Variants in SDK1 observed in about 807,000 individuals in gnomAD.
SDK1 encodes protein sidekick-1.
In SDK1, 157 loss-of-function variants were observed where a neutral mutation model predicts 245.5. The observed-to-expected ratio is 0.64, with a 90% confidence interval of 0.56 to 0.73. The LOEUF is 0.73. Ranked by LOEUF, SDK1 falls within the 30% of genes least tolerant of loss-of-function variation. The pLI is 0.00. For synonymous variants in SDK1, 1,647 were observed against 1,278.5 expected (o/e 1.29, Z -6.15); for missense variants, 3,583 against 3,002.3 (o/e 1.19, Z -4.52).
intron 5 of SDK1, among the ~76,000 whole-genome samples, chr7:3,851,069 G>C (rs1397900370): frequency 1.3e-5 from 2 of 152,026 alleles, no homozygotes; most frequent in African/African-American, 4.8e-5. Flanking sequence ...GACCAAACCT[G>C]ATGGTGCAAC....
intron 4 of SDK1, among the ~76,000 whole-genome samples, chr7:3,710,579 T>C (rs1785019543): frequency 6.6e-6 from 1 of 152,270 alleles, no homozygotes; most frequent in Admixed American, 6.5e-5. Flanking sequence ...CTTTATGTAC[T>C]GTTTTATCTC....
chr7:3,877,581 C>G (rs943657636), intron 5 of SDK1, among the ~76,000 whole-genome samples: 1 of 152,040 alleles, frequency 6.6e-6, no homozygotes, highest in African/African-American at 2.4e-5. Flanking sequence ...TCCCTTTTAA[C>G]TTTGGTTATA....
intron 4 of SDK1, among the ~76,000 whole-genome samples, chr7:3,663,875 C>G (rs1396574698): frequency 1.3e-5 from 2 of 152,204 alleles, no homozygotes; most frequent in African/African-American, 4.8e-5. Flanking sequence ...ATGAACAGAA[C>G]TGAATTTCTT....
chr7:3,459,754 G>C (rs1351336959), intron 1 of SDK1, among the ~76,000 whole-genome samples: 1 of 152,156 alleles, frequency 6.6e-6, no homozygotes, highest in African/African-American at 2.4e-5. Context: ...GGCTCCACTT[G>C]GTTTAGACCA....
At chr7:4,051,189 A>G (rs1291963215) in intron 18 of SDK1, among the ~76,000 whole-genome samples, 4 of 141,030 alleles carry the variant, frequency 2.8e-5, no homozygotes, top group African/African-American at 1.0e-4. Context: ...TACATTATAT[A>G]TGTGTATATA....
intron 13 of SDK1, among the ~76,000 whole-genome samples, chr7:3,982,139 C>A (rs770709707): frequency 6.6e-6 from 1 of 152,170 alleles, no homozygotes; most frequent in African/African-American, 2.4e-5. Flanking sequence ...CTCTTAAGAA[C>A]GATGCTAAAT....
At chr7:3,648,269 G>A (rs900519451) in intron 4 of SDK1, among the ~76,000 whole-genome samples, 4 of 152,192 alleles carry the variant, frequency 2.6e-5, no homozygotes, top group African/African-American at 9.7e-5. Flanking sequence ...GTAGTTATCA[G>A]ATTAGAACAC....
chr7:3,530,876 C>T (rs1783320959), intron 1 of SDK1, among the ~76,000 whole-genome samples: 1 of 152,186 alleles, frequency 6.6e-6, no homozygotes, highest in Non-Finnish European at 1.5e-5. Context: ...TGCATAAAAA[C>T]ATTGTCCACA....
Position 3,504,894 on chromosome 7 carries a change from A to G in SDK1, c.299-114186A>G, listed in dbSNP as rs146730810. Among the ~76,000 whole-genome samples the G allele has an allele frequency of 1.7e-4, 26 of 152,318 alleles. No homozygotes were observed. In the East Asian group the frequency reaches 5.0e-3, roughly 29 times the overall value. On this transcript the variant is annotated intron_variant, in intron 1 of 44. Transcript: ENST00000404826. Reference sequence around the variant, plus strand: ...AATACAATTAATATATGACCTAGCAATTCTACTCCTAGTTATGTACCCAAG... The same window carrying G: ...AATACAATTAATATATGACCTAGCAGTTCTACTCCTAGTTATGTACCCAAG...
At chr7:3,825,140 A>C (rs1282160926) in intron 5 of SDK1, among the ~76,000 whole-genome samples, 1 of 152,120 alleles carries the variant, frequency 6.6e-6, no homozygotes, top group Non-Finnish European at 1.5e-5. Flanking sequence ...TGCACACCAG[A>C]AAAAGAAGGG....
At chr7:3,927,213 G>A (rs1289228604) in intron 5 of SDK1, among the ~76,000 whole-genome samples, 1 of 152,222 alleles carries the variant, frequency 6.6e-6, no homozygotes, top group Non-Finnish European at 1.5e-5. Context: ...TTAGGAACGT[G>A]CTGGTATTCC....
intron 1 of SDK1, among the ~76,000 whole-genome samples, chr7:3,568,450 C>T (rs751055537): frequency 1.2e-4 from 19 of 152,068 alleles, no homozygotes; most frequent in Non-Finnish European, 2.8e-4. Context: ...TTAGTTTCTT[C>T]TGGCCGGAGA....
At chr7:3,794,315 G>A (rs563571884) in intron 4 of SDK1, among the ~76,000 whole-genome samples, 1 of 151,982 alleles carries the variant, frequency 6.6e-6, no homozygotes, top group South Asian at 2.1e-4. Flanking sequence ...TCCCCTTTTA[G>A]CTTCTTTTTA....
intron 32 of SDK1, among the ~76,000 whole-genome samples, chr7:4,173,068 C>T (rs1056924843): frequency 3.9e-5 from 6 of 152,214 alleles, no homozygotes; most frequent in African/African-American, 1.2e-4. Context: ...GCTGTGGCTC[C>T]GCCCAGGGAG....
At chr7:3,440,822 T>A (rs924206300) in intron 1 of SDK1, among the ~76,000 whole-genome samples, 4 of 152,192 alleles carry the variant, frequency 2.6e-5, no homozygotes, top group Non-Finnish European at 4.4e-5. Flanking sequence ...ACAATGTGTA[T>A]TAAGTGCTTA....
At chr7:3,796,259 A>G (rs61570340) in intron 4 of SDK1, among the ~76,000 whole-genome samples, 2,622 of 152,372 alleles carry the variant, frequency 0.017, 83 homozygotes, top group African/African-American at 0.06. Context: ...AAGCTATGCT[A>G]AAGCATTTAT....
intron 5 of SDK1, among the ~76,000 whole-genome samples, chr7:3,939,197 TG>T (rs1382778172): frequency 6.6e-6 from 1 of 152,192 alleles, no homozygotes; most frequent in Non-Finnish European, 1.5e-5. Flanking sequence ...CTTTTGGGGT[TG>T]GGTTTGTGAG....
chr7:3,808,833 G>A (rs968207917), intron 4 of SDK1, among the ~76,000 whole-genome samples: 8 of 152,170 alleles, frequency 5.3e-5, no homozygotes, highest in African/African-American at 1.2e-4. Flanking sequence ...CATACCTATC[G>A]TAGTAGCGTT....
chr7:3,546,710 G>GT (rs1779236832), intron 1 of SDK1, among the ~76,000 whole-genome samples: 1 of 152,224 alleles, frequency 6.6e-6, no homozygotes. Flanking sequence ...CAAGGAACCT[G>GT]TGGTCACTTT....
Sources: gnomAD v4.1 joint callset for allele counts (sites outside exome capture counted in the v4.1 genomes callset) on GRCh38, gnomAD v4.1.1 for gene constraint, MANE v1.5 for transcripts, NCBI Gene and HGNC (gene_info 2026-07-23, HGNC 2026-07-21) for gene names.